Variants in UBE2D3 observed in about 807,000 individuals in gnomAD.
UBE2D3 encodes ubiquitin conjugating enzyme E2 D3, also known as ubiquitin-conjugating enzyme E2 D3.
In UBE2D3, 2 loss-of-function variants were observed where a neutral mutation model predicts 22.8. The observed-to-expected ratio is 0.09, with a 90% CI of 0.04 to 0.28. The LOEUF is 0.28. UBE2D3 is among the 10% of genes least tolerant of loss of function. The pLI is 1.00. For missense variants in UBE2D3, 27 were observed against 182.5 expected, an observed-to-expected ratio of 0.15 and a Z score of 4.91; for synonymous variants, 56 against 60.4, an observed-to-expected ratio of 0.93 and a Z score of 0.34.
intron 4 of UBE2D3, among the ~76,000 whole-genome samples, chr4:102,803,919 C>T (rs1227889913): frequency 6.6e-6 from 1 of 152,112 alleles, no homozygotes; most frequent in Non-Finnish European, 1.5e-5. Flanking sequence ...CACATATGCA[C>T]CACCACACCC....
chr4:102,805,712 T>C (rs1017108678), intron 4 of UBE2D3, among the ~76,000 whole-genome samples: 27 of 152,288 alleles, frequency 1.8e-4, no homozygotes, highest in African/African-American at 5.8e-4. Flanking sequence ...CCATAAAAAT[T>C]TGAGTTGCAA....
intron 2 of UBE2D3, among the ~76,000 whole-genome samples, chr4:102,821,649 A>T (rs1729638066): frequency 1.3e-5 from 2 of 152,306 alleles, no homozygotes; most frequent in South Asian, 4.1e-4. Context: ...TTTAAAAATA[A>T]GTAAACAAGT....
At chr4:102,830,114 A>G (rs529771277), upstream of UBE2D3, among the ~76,000 whole-genome samples, 3 of 152,330 alleles carry the variant, frequency 2.0e-5, no homozygotes, top group Admixed American at 6.5e-5. Context: ...ATATTTTGCC[A>G]TGGTTAAAAT....
intron 1 of UBE2D3, chr4:102,843,409 T>C (rs1408928630): frequency 6.6e-6 from 1 of 152,026 alleles, no homozygotes; most frequent in African/African-American, 2.4e-5. Context: ...AAACTGCCCA[T>C]CATGAATTGT....
intron 2 of UBE2D3, among the ~76,000 whole-genome samples, chr4:102,824,764 T>C (rs980208324): frequency 2.0e-5 from 3 of 152,252 alleles, no homozygotes; most frequent in Non-Finnish European, 2.9e-5. Context: ...TTTAGTGGCC[T>C]GAACTAATTC....
In UBE2D3 at chr4:102,794,734, T is replaced by C. The variant is rs549626651; in HGVS notation, c.*2681A>G. The C allele has an allele frequency of 1.3e-5, 2 of 152,118 alleles. No individual in the cohort carries two copies. The highest frequency in any genetic ancestry group is 2.9e-5 in the Non-Finnish European group (2 of 67,950). The allele number at this position is 152,118 out of a possible 1,614,324, so 9.4% of individuals were successfully genotyped here. A position where few individuals can be genotyped will look rare whatever the true frequency, so the allele number is the denominator to read the frequency against. On this transcript the variant is annotated 3_prime_UTR_variant, in exon 8 of 8. Coordinates refer to ENST00000453744, the MANE Select transcript of UBE2D3 (RefSeq NM_181891.3). ...CACTAGTTAACTGTGGTTCATACTT[T>C]AAAATGTGAGTACACCCACACAAGA...
chr4:102,861,966 G>A (rs554723487), intron 1 of UBE2D3, among the ~76,000 whole-genome samples: 14 of 151,994 alleles, frequency 9.2e-5, no homozygotes, highest in African/African-American at 2.9e-4. Flanking sequence ...TGCTCAGGCT[G>A]GGGTGCAGAG....
At chr4:102,847,433 G>A (rs1732093290) in intron 1 of UBE2D3, among the ~76,000 whole-genome samples, 2 of 151,908 alleles carry the variant, frequency 1.3e-5, no homozygotes, top group Admixed American at 1.3e-4. Context: ...CTACAGGTGT[G>A]CGCCACCACA....
intron 1 of UBE2D3, among the ~76,000 whole-genome samples, chr4:102,845,449 A>G (rs930414082): frequency 6.6e-6 from 1 of 152,190 alleles, no homozygotes; most frequent in Non-Finnish European, 1.5e-5. Context: ...TCTAATGTAC[A>G]GACAAGTTTG....
intron 1 of UBE2D3, among the ~76,000 whole-genome samples, chr4:102,867,490 AG>A (rs1733198877): frequency 6.6e-6 from 1 of 152,244 alleles, no homozygotes; most frequent in African/African-American, 2.4e-5. Context: ...TTTTGACTTC[AG>A]CCAAAATATG....
intron 1 of UBE2D3, among the ~76,000 whole-genome samples, chr4:102,845,656 T>G (rs1344085415): frequency 6.6e-6 from 1 of 152,198 alleles, no homozygotes; most frequent in Non-Finnish European, 1.5e-5. Context: ...GTAGGTTACT[T>G]TATTATATTT....
chr4:102,827,827 C>G (rs1730832790), upstream of UBE2D3: 1 of 986,274 alleles, frequency 1.0e-6, no homozygotes, highest in South Asian at 4.7e-5. Context: ...GGCGGAAACC[C>G]TTAGGCTCAG....
intron 2 of UBE2D3, chr4:102,811,756 AAAT>A (rs1317958785): frequency 2.2e-6 from 1 of 445,976 alleles, no homozygotes; most frequent in Non-Finnish European, 4.5e-6. Context: ...AAGGATGCCT[AAAT>A]AAAAAAGATA....
intron 2 of UBE2D3, among the ~76,000 whole-genome samples, chr4:102,816,314 T>C (rs1007849177): frequency 6.6e-6 from 1 of 152,356 alleles, no homozygotes; most frequent in East Asian, 1.9e-4. Flanking sequence ...TTCTTCCTTC[T>C]ATAATCAAGA....
upstream of UBE2D3, among the ~76,000 whole-genome samples, chr4:102,829,455 T>C (rs1222278530): frequency 6.6e-6 from 1 of 152,220 alleles, no homozygotes; most frequent in African/African-American, 2.4e-5. Context: ...TTGCTTGATA[T>C]TGGCCTGGTT....
intron 1 of UBE2D3, among the ~76,000 whole-genome samples, chr4:102,849,364 CAAAAAA>C (rs55874314): frequency 1.6e-5 from 1 of 63,262 alleles, no homozygotes; most frequent in Non-Finnish European, 3.2e-5. Context: ...ACCCCTGTCT[CAAAAAA>C]AAAAAAAAAA....
intron 1 of UBE2D3, among the ~76,000 whole-genome samples, chr4:102,856,577 A>G (rs898227147): frequency 2.6e-5 from 4 of 152,214 alleles, no homozygotes; most frequent in African/African-American, 9.7e-5. Context: ...TAAAATATTT[A>G]AAATCATAAT....
intron 2 of UBE2D3, chr4:102,825,295 G>C: frequency 1.0e-6 from 1 of 986,106 alleles, no homozygotes; most frequent in Non-Finnish European, 1.2e-6. Context: ...TTTTTTTCAA[G>C]TTAGCTGTAA....
rs956929845 is a variant in UBE2D3, at chr4:102,794,999, G to C, written c.*2416C>G. On this transcript the variant is annotated 3_prime_UTR_variant, in exon 8 of 8. Coordinates refer to ENST00000453744, the MANE Select transcript of UBE2D3 (RefSeq NM_181891.3). ...TTACTGGGTGGAGTGGGGCAAAGAG[G>C]GCAAATTCTTAGATTCTTTTAAGAT... 6.6e-6 allele frequency: 1 copy of C among 152,004 alleles called. No individual in the cohort carries two copies. The highest frequency in any genetic ancestry group is 1.5e-5 in the Non-Finnish European group (1 of 67,948). 9.4% of individuals were successfully genotyped at this position (152,004 alleles called of 1,614,324 possible). A position where few individuals can be genotyped will look rare whatever the true frequency, so the allele number is the denominator to read the frequency against.
Sources: allele counts gnomAD v4.1 joint callset (sites outside exome capture counted in the v4.1 genomes callset), GRCh38; gene constraint gnomAD v4.1.1; transcripts MANE v1.5; gene names NCBI Gene and HGNC (gene_info 2026-07-23, HGNC 2026-07-21).